The following ZBTB20 variants were observed in gnomAD, a reference collection of about 807,000 sequenced individuals.
ZBTB20 encodes the protein zinc finger and BTB domain-containing protein 20.
In ZBTB20, 9 loss-of-function variants were observed where a neutral mutation model predicts 56.9. The observed-to-expected ratio is 0.16, with a 90% CI of 0.10 to 0.28. ZBTB20 has a LOEUF of 0.28. Ranked by LOEUF, ZBTB20 falls within the 10% of genes least tolerant of loss-of-function variation. The pLI, the probability that ZBTB20 is intolerant of heterozygous loss-of-function variation, is 1.00. For synonymous variants in ZBTB20, 417 were observed against 420.7 expected (o/e 0.99, Z 0.11); for missense variants, 655 against 1,003.0 (o/e 0.65, Z 4.69).
Position 114,315,958 on chromosome 3 carries a change from T to C in ZBTB20, c.*23047A>G, listed in dbSNP as rs892193467. 3.2e-5 allele frequency: 5 copies of C among 154,672 alleles called. No individual in the cohort carries two copies. The highest frequency in any genetic ancestry group is 1.2e-4 in the African/African-American group (5 of 41,438). The allele number at this position is 154,672 out of a possible 1,614,324, so 9.6% of individuals were successfully genotyped here. On this transcript the variant is annotated 3_prime_UTR_variant, in exon 12 of 12. Transcript: ENST00000675478. ...GTTAAGGTGCTTCAAAAAAGGTTTT[T>C]TGTTTTTTTGTTTTTTTTTTCAGTT...
chr3:114,390,557 G>A (rs998096491), intron 7 of ZBTB20, among the ~76,000 whole-genome samples: 1 of 152,006 alleles, frequency 6.6e-6, no homozygotes, highest in Non-Finnish European at 1.5e-5. Context: ...TCTTTCTTCT[G>A]TTCTCTAAAT....
intron 7 of ZBTB20, among the ~76,000 whole-genome samples, chr3:114,402,250 T>TGATGA (rs756734881): frequency 1.4e-4 from 22 of 151,908 alleles, no homozygotes; most frequent in Non-Finnish European, 3.1e-4. Flanking sequence ...TAAAAAGGAG[T>TGATGA]GATGAGATGG....
intron 5 of ZBTB20, among the ~76,000 whole-genome samples, chr3:114,748,732 T>C (rs1484068368): frequency 6.6e-6 from 1 of 152,170 alleles, no homozygotes; most frequent in East Asian, 1.9e-4. Context: ...GTGACTATTG[T>C]TAAATTAGAT....
chr3:114,719,770 G>A (rs569479430), intron 5 of ZBTB20, among the ~76,000 whole-genome samples: 140 of 152,180 alleles, frequency 9.2e-4, no homozygotes, highest in Admixed American at 1.7e-3. Context: ...CAGAGAATTC[G>A]CACAATCTTG....
intron 7 of ZBTB20, among the ~76,000 whole-genome samples, chr3:114,477,309 T>G (rs1035425448): frequency 2.6e-5 from 4 of 152,112 alleles, no homozygotes; most frequent in African/African-American, 7.2e-5. Context: ...GGGCTACATG[T>G]TTGATGTGTA....
chr3:114,617,939 C>A (rs753020114), intron 6 of ZBTB20, among the ~76,000 whole-genome samples: 1 of 145,024 alleles, frequency 6.9e-6, no homozygotes. Context: ...GACACAAACA[C>A]ACATGTATAC....
Position 114,335,917 on chromosome 3 carries a change from G to C in ZBTB20, c.*3088C>G, listed in dbSNP as rs2079438188. ...CTCTACATGTTCTACCAAAAGAAAAGGTGGATTCTAACCCAATTGCTTAGC... is the reference window on the plus strand; with the variant it reads ...CTCTACATGTTCTACCAAAAGAAAACGTGGATTCTAACCCAATTGCTTAGC... On this transcript the variant is annotated 3_prime_UTR_variant, in exon 12 of 12. Coordinates refer to ENST00000675478, the MANE Select transcript of ZBTB20 (RefSeq NM_001348800.3). 6.6e-6 allele frequency: 1 copy of C among 152,142 alleles called. No homozygotes were observed. Among genetic ancestry groups the C allele is most frequent in the Non-Finnish European group, 1.5e-5 (1 of 68,014 alleles). The allele number at this position is 152,142 out of a possible 1,614,324, so 9.4% of individuals were successfully genotyped here. A position where few individuals can be genotyped will look rare whatever the true frequency, so the allele number is the denominator to read the frequency against.
intron 2 of ZBTB20, among the ~76,000 whole-genome samples, chr3:115,060,487 C>A (rs920377306): frequency 6.6e-6 from 1 of 152,098 alleles, no homozygotes; most frequent in Non-Finnish European, 1.5e-5. Context: ...TTAAGATACT[C>A]ATCACAGGGC....
chr3:115,145,518 T>C (rs1323015053), intron 1 of ZBTB20, among the ~76,000 whole-genome samples: 3 of 151,084 alleles, frequency 2.0e-5, no homozygotes, highest in Admixed American at 6.6e-5. Flanking sequence ...GTAAATGCCA[T>C]GTATTAATAA....
chr3:114,813,048 C>T (rs76877956), intron 4 of ZBTB20, among the ~76,000 whole-genome samples: 1 of 152,240 alleles, frequency 6.6e-6, no homozygotes, highest in African/African-American at 2.4e-5. Flanking sequence ...TCCACACCTC[C>T]TCGCAAGCTG....
intron 3 of ZBTB20, among the ~76,000 whole-genome samples, chr3:114,939,095 G>A (rs568647665): frequency 6.9e-6 from 1 of 145,762 alleles, no homozygotes; most frequent in African/African-American, 2.8e-5. Flanking sequence ...TATAGCAGCT[G>A]GAGGCTGTCA....
rs1003785880 is a variant in ZBTB20 at position 114,938,607 on chromosome 3, G to A, written c.-456+35759C>T. 2.7e-5 allele frequency among the ~76,000 whole-genome samples: 4 copies of A among 145,894 alleles called. 2 individuals carry two copies. Among genetic ancestry groups the A allele is most frequent in the African/African-American group, 1.1e-4 (4 of 35,550 alleles). ...AAACACCGCATGTTCGCACTCATAA[G>A]TGGGAGCTGAACAATGAGAACACAT... is the stretch of plus-strand genomic sequence containing the variant. On this transcript the variant is annotated intron_variant, in intron 3 of 11. Transcript: ENST00000675478.
chr3:114,646,022 T>G (rs1017650023), intron 6 of ZBTB20, among the ~76,000 whole-genome samples: 1 of 149,022 alleles, frequency 6.7e-6, no homozygotes, highest in Admixed American at 6.8e-5. Context: ...TGATAGGGAG[T>G]ACTGATAAAG....
intron 2 of ZBTB20, among the ~76,000 whole-genome samples, chr3:115,005,530 A>G (rs2079428383): frequency 6.6e-6 from 1 of 151,754 alleles, no homozygotes; most frequent in South Asian, 2.1e-4. Flanking sequence ...ACTGCATCCT[A>G]CCTTATGTCA....
At position 114,603,848 on chromosome 3, in the gene ZBTB20, C is replaced by T. The variant is rs550857696; in HGVS notation, c.-295+89680G>A. On this transcript the variant is annotated intron_variant, in intron 6 of 11. Coordinates refer to ENST00000675478, the MANE Select transcript of ZBTB20 (RefSeq NM_001348800.3). ...GCAAACTAAAACTATACCGAGATAC[C>T]GTCTTTTACCAATACAATTGGCAAA... Among the ~76,000 whole-genome samples the T allele has an allele frequency of 2.1e-4, 32 of 151,816 alleles. No individual in the cohort carries two copies. In the East Asian group the frequency reaches 5.4e-3, roughly 26 times the overall value.
intron 4 of ZBTB20, among the ~76,000 whole-genome samples, chr3:114,803,973 T>C (rs539253831): frequency 6.6e-6 from 1 of 151,908 alleles, no homozygotes; most frequent in African/African-American, 2.4e-5. Context: ...ACTTCTTTAA[T>C]TGGAAGAAAA....
intron 3 of ZBTB20, among the ~76,000 whole-genome samples, chr3:114,901,614 C>T (rs1040405796): frequency 6.6e-6 from 1 of 151,970 alleles, no homozygotes; most frequent in Non-Finnish European, 1.5e-5. Context: ...CAGTAAAAAA[C>T]TATAAGCAAC....
intron 6 of ZBTB20, among the ~76,000 whole-genome samples, chr3:114,646,142 G>GA: frequency 1.3e-5 from 2 of 149,770 alleles, no homozygotes; most frequent in South Asian, 4.2e-4. Context: ...AACCTCTACA[G>GA]AAAAAAGAAG....
At chr3:114,978,324 A>G (rs2078190423) in intron 2 of ZBTB20, among the ~76,000 whole-genome samples, 1 of 149,004 alleles carries the variant, frequency 6.7e-6, no homozygotes, top group East Asian at 1.9e-4. Context: ...TAATATTATT[A>G]ATTCTAATAC....
Sources: allele counts gnomAD v4.1 joint callset (sites outside exome capture counted in the v4.1 genomes callset), GRCh38; gene constraint gnomAD v4.1.1; transcripts MANE v1.5; gene names NCBI Gene and HGNC (gene_info 2026-07-23, HGNC 2026-07-21).